GSDMD: variants seen among roughly 807,000 people sequenced by gnomAD.
GSDMD encodes the protein gasdermin D.
A neutral mutation model predicts 46.7 loss-of-function variants in GSDMD; 46 were observed. The ratio of observed to expected loss-of-function variants is 0.99; its 90% CI spans 0.78 to 1.26. The LOEUF (loss-of-function observed/expected upper bound fraction) is 1.26. GSDMD is among the 50% of genes most tolerant of loss of function. The pLI is 0.00. For synonymous variants in GSDMD, 307 were observed against 283.1 expected, an observed-to-expected ratio of 1.08 and a Z score of -0.85; for missense variants, 649 against 638.8, an observed-to-expected ratio of 1.02 and a Z score of -0.17.
At position 143,562,896 on chromosome 8, in the gene GSDMD, C is replaced by T. The variant is rs1490376820; in HGVS notation, c.1447C>T (p.Pro483Ser). ...LALLSGLSQEPH is the reference protein window; with the variant it reads ...LALLSGLSQESH ...ACTGCTATCAGGACTGAGCCAGGAG[C>T]CCCACTAGCCTGTGCCCGGGCATGG... Residue 483 changes from proline (P) to serine (S), a missense_variant, in exon 11 of 11, where the codon CCC becomes TCC. Transcript: ENST00000262580. 1 of 1,612,072 alleles carries T rather than the reference C, an allele frequency of 6.2e-7. No individual in the cohort carries two copies. Among genetic ancestry groups the T allele is most frequent in the African/African-American group, 1.3e-5 (1 of 75,048 alleles).
chr8:143,562,071 G>A lies in GSDMD; in HGVS notation c.936G>A (p.Leu312=), dbSNP rs1326042263. Residue 312 remains leucine, a synonymous_variant, in exon 8 of 11, where the codon CTG becomes CTA. Transcript: ENST00000262580. The part of the protein sequence containing the change: ...ELLDRELCQL[L]LEGLEGVLRD... Reference sequence around the variant, plus strand: ...TGGACAGAGAGCTGTGCCAGCTGCTGCTGGAGGGCCTGGAGGGGGTGCTGC... The same window carrying A: ...TGGACAGAGAGCTGTGCCAGCTGCTACTGGAGGGCCTGGAGGGGGTGCTGC... The A allele has an allele frequency of 1.9e-6, 3 of 1,596,964 alleles. No homozygotes were observed. Among genetic ancestry groups the A allele is most frequent in the Non-Finnish European group, 2.5e-6 (3 of 1,176,958 alleles).
intron 6 of GSDMD, 39 bp downstream of exon 6, chr8:143,561,462 G>T: frequency 6.3e-7 from 1 of 1,588,492 alleles, no homozygotes. Flanking sequence ...TGTCCGGTGG[G>T]AAAAGCACAC....
chr8:143,561,078 C>A lies in GSDMD; in HGVS notation c.656C>A (p.Ala219Asp). 6.2e-7 allele frequency: 1 copy of A among 1,613,166 alleles called. No homozygotes were observed. Among genetic ancestry groups the A allele is most frequent in the Non-Finnish European group, 8.5e-7 (1 of 1,179,910 alleles). ...GGCAGCACCCTCGCATTCCGGGTGG[C>A]CCAGCTGGTTATTGACTCTGACTTG... The part of the protein sequence containing the change: ...PSGSTLAFRV[A>D]QLVIDSDLDV... Residue 219 changes from alanine to aspartate, a missense_variant, in exon 5 of 11, where the codon GCC becomes GAC. By Grantham distance (126) the Ala-to-Asp change is moderately radical. Coordinates refer to ENST00000262580, the MANE Select transcript of GSDMD (RefSeq NM_024736.7).
chr8:143,558,435 G>A lies in GSDMD; in HGVS notation c.-21G>A, dbSNP rs1823362787. Reference sequence around the variant, plus strand: ...AGACGCGCCAGACGCGCCACCCTCGGGGCGCCGACGGTCACGGTGAGCTGC... The same window carrying A: ...AGACGCGCCAGACGCGCCACCCTCGAGGCGCCGACGGTCACGGTGAGCTGC... On this transcript the variant is annotated 5_prime_UTR_variant, in exon 1 of 11. Transcript: ENST00000262580. 2 of 1,503,914 alleles carry A rather than the reference G, an allele frequency of 1.3e-6. No homozygotes were observed. The highest frequency in any genetic ancestry group is 1.8e-6 in the Non-Finnish European group (2 of 1,132,946). The allele number at this position is 1,503,914 out of a possible 1,614,324, so 93.2% of individuals were successfully genotyped here. A position where few individuals can be genotyped will look rare whatever the true frequency, so the allele number is the denominator to read the frequency against.
At chr8:143,554,059 G>C (rs1173727367), upstream of GSDMD, among the ~76,000 whole-genome samples, 3 of 113,426 alleles carry the variant, frequency 2.6e-5, no homozygotes, top group Non-Finnish European at 4.2e-5. Context: ...CAGACCTAGA[G>C]GCAGCGAGGC....
chr8:143,555,584 C>T (rs1332548095), upstream of GSDMD, among the ~76,000 whole-genome samples: 1 of 152,178 alleles, frequency 6.6e-6, no homozygotes, highest in Non-Finnish European at 1.5e-5. Context: ...CCATCTTCAC[C>T]ATGGAGGCTG....
chr8:143,559,282 C>CCCA, intron 1 of GSDMD, 50 bp from the exon 2 acceptor site: 6 of 436,040 alleles, frequency 1.4e-5, no homozygotes, highest in African/African-American at 4.2e-5. Context: ...TCTCCCACTC[C>CCCA]CTCCCGCCCG....
intron 1 of GSDMD, chr8:143,559,095 T>C (rs1198419498): frequency 1.7e-5 from 10 of 595,626 alleles, no homozygotes; most frequent in Middle Eastern, 3.4e-4. Flanking sequence ...GGCCTCACTG[T>C]CCCTGGCTGG....
rs1314691232 is a variant in GSDMD, at chr8:143,559,327, C to G, written c.-4-5C>G. ...CACAATGCCTGACCCATTTCCCCTC[C>G]TCAGGAGCATGGGGTCGGCCTTTGA... is the stretch of plus-strand genomic sequence containing the variant. On this transcript the variant is annotated splice_polypyrimidine_tract_variant and splice_region_variant and intron_variant, in intron 1 of 10. Transcript: ENST00000262580. 3 of 1,605,406 alleles carry G rather than the reference C, an allele frequency of 1.9e-6. No individual in the cohort carries two copies. Among genetic ancestry groups the G allele is most frequent in the African/African-American group, 2.7e-5 (2 of 74,694 alleles).
chr8:143,562,798 G>T lies in GSDMD; in HGVS notation c.1349G>T (p.Gly450Val). Residue 450 changes from glycine to valine, a missense_variant, in exon 11 of 11, where the codon GGG (glycine) becomes GTG (valine). Physicochemically the swap from Gly to Val is moderately radical, Grantham distance 109. Transcript: ENST00000262580. ...VLLDECGLELGEDTPHVCWEP... is the reference protein window; with the variant it reads ...VLLDECGLELVEDTPHVCWEP... ...CTGGACGAGTGTGGCCTAGAGCTGG[G>T]GGAGGACACTCCCCACGTGTGCTGG... 1 of 1,602,604 alleles carries T rather than the reference G, an allele frequency of 6.2e-7. No homozygotes were observed. Among genetic ancestry groups the T allele is most frequent in the East Asian group, 2.3e-5 (1 of 44,160 alleles).
At chr8:143,557,404 A>AGAT (rs1563902847), upstream of GSDMD, among the ~76,000 whole-genome samples, 84 of 98,642 alleles carry the variant, frequency 8.5e-4, no homozygotes, top group South Asian at 1.6e-3. Flanking sequence ...CTGTGACGAC[A>AGAT]GCTGCTGCCG....
At chr8:143,558,878 T>G (rs1300988123) in intron 1 of GSDMD, 1 of 477,862 alleles carries the variant, frequency 2.1e-6, no homozygotes, top group Admixed American at 2.5e-5. Flanking sequence ...CTCATGGAGC[T>G]CCAGGCACAG....
chr8:143,557,777 C>A, upstream of GSDMD: 1 of 313,526 alleles, frequency 3.2e-6, no homozygotes, highest in Non-Finnish European at 6.3e-6. Context: ...ATTCCATTTG[C>A]ATTTCCTTGA....
Position 143,559,978 on chromosome 8 carries a change from G to C in GSDMD, c.410+9G>C. ...ACTCTGCTCCATGAGAGGTGGGCCC[G>C]AAGAGGGCAGGGCAGGGCAGGGCCC... On this transcript the variant is annotated intron_variant, in intron 3 of 10. Transcript: ENST00000262580. The C allele has an allele frequency of 6.2e-7, 1 of 1,600,990 alleles. No individual in the cohort carries two copies.
chr8:143,561,283 G>C, intron 5 of GSDMD, 87 bp from the exon 6 acceptor site: 3 of 1,351,826 alleles, frequency 2.2e-6, no homozygotes, highest in Non-Finnish European at 3.1e-6. Context: ...GCCTGAGCTG[G>C]ACAGGGGAGC....
intron 10 of GSDMD, 42 bp from the exon 11 acceptor site, chr8:143,562,620 C>T (rs767793036): frequency 1.3e-6 from 2 of 1,598,218 alleles, no homozygotes; most frequent in South Asian, 2.2e-5. Flanking sequence ...CACAAGATGC[C>T]CAGATTTCCC....
At chr8:143,559,620 A>C in intron 2 of GSDMD, 68 bp downstream of exon 2, 1 of 1,506,010 alleles carries the variant, frequency 6.6e-7, no homozygotes, top group East Asian at 2.3e-5. Context: ...GGCTGGGGCC[A>C]ACCATCCACT....
In GSDMD at chr8:143,562,117, G is replaced by A. The variant is rs201561996; in HGVS notation, c.982G>A (p.Ala328Thr). The change falls in exon 8 of 11, where the codon GCC (alanine) becomes ACC (threonine). Residue 328 changes from alanine (A) to threonine (T), a missense_variant. Coordinates refer to ENST00000262580, the MANE Select transcript of GSDMD (RefSeq NM_024736.7). ...GCTGCGGGACCAGCTGGCCCTGCGAGCCTTGGAGGAGGCGGTGAGCGGGGG... is the reference window on the plus strand; with the variant it reads ...GCTGCGGGACCAGCTGGCCCTGCGAACCTTGGAGGAGGCGGTGAGCGGGGG... ...GVLRDQLALR[A>T]LEEALEQGQS... 2.4e-5 allele frequency: 38 copies of A among 1,598,206 alleles called. No homozygotes were observed. In the East Asian group the frequency reaches 8.3e-4, roughly 35 times the overall value.
chr8:143,556,072 G>C (rs749821019), upstream of GSDMD: 1 of 152,206 alleles, frequency 6.6e-6, no homozygotes, highest in Non-Finnish European at 1.5e-5. Flanking sequence ...TTAGCTGGGC[G>C]TGGTGGCGGG....
Sources: allele counts gnomAD v4.1 joint callset (sites outside exome capture counted in the v4.1 genomes callset), GRCh38; gene constraint gnomAD v4.1.1; transcripts MANE v1.5; gene names NCBI Gene and HGNC (gene_info 2026-07-23, HGNC 2026-07-21).